STK32B: variants seen among roughly 807,000 people sequenced by gnomAD.
The protein encoded by STK32B is serine/threonine-protein kinase 32B.
STK32B carries 43 observed loss-of-function variants against 52.6 expected under a neutral mutation model. That is an observed-to-expected ratio of 0.82 (90% CI 0.64 to 1.05). The LOEUF (loss-of-function observed/expected upper bound fraction) is 1.05, where lower values mean the gene tolerates loss of function less well. STK32B is among the 50% of genes least tolerant of loss of function. The probability of loss-of-function intolerance (pLI) is 0.00; values close to 1 mark genes in which losing one functional copy is unlikely to be tolerated. For synonymous variants in STK32B, 238 were observed against 204.3 expected, an observed-to-expected ratio of 1.17 and a Z score of -1.41; for missense variants, 621 against 534.6, an observed-to-expected ratio of 1.16 and a Z score of -1.59.
At chr4:5,429,979 T>C (rs1191274796) in intron 6 of STK32B, among the ~76,000 whole-genome samples, 1 of 151,934 alleles carries the variant, frequency 6.6e-6, no homozygotes, top group Non-Finnish European at 1.5e-5. Context: ...GTAGGTAACA[T>C]GCTTTTTTCC....
At chr4:5,340,826 A>G (rs1733026030) in intron 4 of STK32B, among the ~76,000 whole-genome samples, 1 of 152,238 alleles carries the variant, frequency 6.6e-6, no homozygotes, top group African/African-American at 2.4e-5. Context: ...ACACATATAT[A>G]TAAATATAAA....
chr4:5,344,692 A>ATTTTTTT (rs376899720), intron 4 of STK32B, among the ~76,000 whole-genome samples: 3 of 147,902 alleles, frequency 2.0e-5, no homozygotes, highest in Non-Finnish European at 1.5e-5. Context: ...CTTTGTCAGA[A>ATTTTTTT]TTTTTTTTTT....
chr4:5,056,191 G>T (rs565398185), intron 1 of STK32B, among the ~76,000 whole-genome samples: 1 of 152,202 alleles, frequency 6.6e-6, no homozygotes, highest in African/African-American at 2.4e-5. Flanking sequence ...TCTAACTAAC[G>T]CCTGATGATC....
intron 1 of STK32B, among the ~76,000 whole-genome samples, chr4:5,087,706 T>C (rs1712813517): frequency 6.6e-6 from 1 of 151,870 alleles, no homozygotes; most frequent in Non-Finnish European, 1.5e-5. Context: ...TAAATAAGGA[T>C]ATTATATAAT....
At chr4:5,136,026 C>T (rs1224271108) in intron 1 of STK32B, among the ~76,000 whole-genome samples, 1 of 152,050 alleles carries the variant, frequency 6.6e-6, no homozygotes. Flanking sequence ...CTTAGAAATT[C>T]AGGAGGTGAA....
chr4:5,414,290 T>C (rs1202437287), intron 5 of STK32B, among the ~76,000 whole-genome samples: 1 of 151,980 alleles, frequency 6.6e-6, no homozygotes, highest in Non-Finnish European at 1.5e-5. Context: ...TTTAACACAA[T>C]ATGTAATAAT....
chr4:5,201,163 G>T (rs1722105400), intron 3 of STK32B, among the ~76,000 whole-genome samples: 1 of 152,220 alleles, frequency 6.6e-6, no homozygotes, highest in East Asian at 1.9e-4. Context: ...GTGAGTGAAT[G>T]AGAAGGAGAG....
At chr4:5,427,917 T>C (rs958484124) in intron 6 of STK32B, among the ~76,000 whole-genome samples, 5 of 151,536 alleles carry the variant, frequency 3.3e-5, no homozygotes, top group African/African-American at 1.2e-4. Context: ...TCTTATCTCT[T>C]ATGCCCTCCT....
chr4:5,200,647 C>T (rs1722068086), intron 3 of STK32B, among the ~76,000 whole-genome samples: 1 of 152,054 alleles, frequency 6.6e-6, no homozygotes, highest in Admixed American at 6.6e-5. Context: ...GGCTTAGGCT[C>T]AAGGCCAAAA....
At position 5,500,410 on chromosome 4, in the gene STK32B, C is replaced by A. The variant is rs373423913; in HGVS notation, c.*1327C>A. 15 of 152,284 alleles carry A rather than the reference C, an allele frequency of 9.9e-5. No homozygotes were observed. Among genetic ancestry groups the A allele is most frequent in the Middle Eastern group, 3.4e-3 (1 of 294 alleles). The allele number at this position is 152,284 out of a possible 1,614,324, so 9.4% of individuals were successfully genotyped here. ...CATAATCGTCATCATTATTTAGATACTTTCTTCCTTCACTCACCCAGCAGG... is the reference window on the plus strand; with the variant it reads ...CATAATCGTCATCATTATTTAGATAATTTCTTCCTTCACTCACCCAGCAGG... On this transcript the variant is annotated 3_prime_UTR_variant, in exon 12 of 12. Coordinates refer to ENST00000282908, the MANE Select transcript of STK32B (RefSeq NM_018401.3).
At chr4:5,232,809 C>G (rs9884126) in intron 3 of STK32B, among the ~76,000 whole-genome samples, 2 of 152,152 alleles carry the variant, frequency 1.3e-5, no homozygotes, top group African/African-American at 4.8e-5. Context: ...TGCCCTGTGC[C>G]CCACACCAAT....
At chr4:5,260,248 A>T (rs563497649) in intron 3 of STK32B, among the ~76,000 whole-genome samples, 49 of 152,308 alleles carry the variant, frequency 3.2e-4, no homozygotes, top group African/African-American at 1.1e-3. Flanking sequence ...AACACCCTTA[A>T]CAAATGTCCA....
At chr4:5,463,083 A>G (rs1717161013) in intron 9 of STK32B, among the ~76,000 whole-genome samples, 1 of 152,228 alleles carries the variant, frequency 6.6e-6, no homozygotes, top group South Asian at 2.1e-4. Context: ...TGGGGAGTAG[A>G]GCCCGGAGGC....
intron 7 of STK32B, among the ~76,000 whole-genome samples, chr4:5,452,205 C>T (rs1198315734): frequency 6.6e-6 from 1 of 152,140 alleles, no homozygotes; most frequent in Non-Finnish European, 1.5e-5. Flanking sequence ...GTTAGCCTTG[C>T]CTTTGACCCC....
intron 1 of STK32B, among the ~76,000 whole-genome samples, chr4:5,063,918 T>C (rs923320779): frequency 6.6e-6 from 1 of 152,176 alleles, no homozygotes; most frequent in African/African-American, 2.4e-5. Flanking sequence ...GGTTGAAGTG[T>C]CTTTATATAT....
chr4:5,268,777 G>C (rs1431844578), intron 3 of STK32B, among the ~76,000 whole-genome samples: 4 of 152,028 alleles, frequency 2.6e-5, no homozygotes, highest in Non-Finnish European at 4.4e-5. Flanking sequence ...GCCGAAAGCA[G>C]GCTAAGGGCT....
chr4:5,079,654 G>C (rs552795339), intron 1 of STK32B, among the ~76,000 whole-genome samples: 101 of 152,176 alleles, frequency 6.6e-4, no homozygotes, highest in Middle Eastern at 3.4e-3. Context: ...TCAAAATTTT[G>C]GGGTCATCCT....
chr4:5,446,498 G>T (rs1029613122), intron 6 of STK32B, among the ~76,000 whole-genome samples, 175 bp from the exon 7 acceptor site: 1 of 151,128 alleles, frequency 6.6e-6, no homozygotes, highest in Non-Finnish European at 1.5e-5. Context: ...CTAAGGCACA[G>T]AGGAGCCGAC....
intron 7 of STK32B, among the ~76,000 whole-genome samples, chr4:5,447,625 G>A (rs1238753204): frequency 1.3e-5 from 2 of 152,154 alleles, no homozygotes; most frequent in African/African-American, 4.8e-5. Flanking sequence ...GACAGAGTGA[G>A]GCCCTGTCTC....
Sources: gnomAD v4.1 joint callset for allele counts (sites outside exome capture counted in the v4.1 genomes callset) on GRCh38, gnomAD v4.1.1 for gene constraint, MANE v1.5 for transcripts, NCBI Gene and HGNC (gene_info 2026-07-23, HGNC 2026-07-21) for gene names.